Variants in THSD4 observed in about 807,000 individuals in gnomAD.
The protein encoded by THSD4 is thrombospondin type-1 domain-containing protein 4.
A neutral mutation model predicts 119.0 loss-of-function variants in THSD4; 69 were observed. The observed-to-expected ratio is 0.58, with a 90% CI of 0.48 to 0.71. THSD4 has a LOEUF of 0.71. Ranked by LOEUF, THSD4 falls within the 30% of genes least tolerant of loss-of-function variation. The pLI, the probability that THSD4 is intolerant of heterozygous loss-of-function variation, is 0.00. For synonymous variants in THSD4, 524 were observed against 540.4 expected (o/e 0.97, Z 0.42); for missense variants, 1,393 against 1,391.1 (o/e 1.00, Z -0.02).
chr15:71,146,877 C>G (rs1308048622), intron 2 of THSD4, among the ~76,000 whole-genome samples: 1 of 152,202 alleles, frequency 6.6e-6, no homozygotes, highest in Non-Finnish European at 1.5e-5. Flanking sequence ...AGCCCTGTAC[C>G]TGGATCCTGT....
intron 6 of THSD4, among the ~76,000 whole-genome samples, chr15:71,337,387 C>G (rs1054774851): frequency 2.6e-5 from 4 of 152,248 alleles, no homozygotes; most frequent in South Asian, 2.1e-4. Context: ...TGGGAGGAAA[C>G]CTGCCCCTGG....
intron 6 of THSD4, among the ~76,000 whole-genome samples, chr15:71,397,190 C>G (rs1345511704): frequency 6.6e-6 from 1 of 152,162 alleles, no homozygotes; most frequent in African/African-American, 2.4e-5. Context: ...GCTTCGTGGT[C>G]CTGGCCTTTG....
rs150582764 is a variant in THSD4 at position 71,562,576 on chromosome 15, A to G, written c.1153-97954A>G. Among the ~76,000 whole-genome samples the G allele has an allele frequency of 4.5e-3, 670 of 150,536 alleles. 1 individual carries two copies. The highest frequency in any genetic ancestry group is 0.014 in the Middle Eastern group (4 of 288). On this transcript the variant is annotated intron_variant, in intron 7 of 17. Coordinates refer to ENST00000261862, the MANE Select transcript of THSD4 (RefSeq NM_024817.3). ...CTCTTGCTCCTGGAAGTGTAGCAGA[A>G]AAGCAGGAACCTGAGAACTGCCAGG... is the stretch of plus-strand genomic sequence containing the variant.
At chr15:71,641,914 A>G (rs1431585590) in intron 7 of THSD4, among the ~76,000 whole-genome samples, 1 of 152,218 alleles carries the variant, frequency 6.6e-6, no homozygotes. Context: ...TCCTTGCATC[A>G]GGGTGCTCTC....
At chr15:71,278,571 T>C (rs2044617382) in intron 6 of THSD4, among the ~76,000 whole-genome samples, 1 of 152,240 alleles carries the variant, frequency 6.6e-6, no homozygotes, top group African/African-American at 2.4e-5. Context: ...AACAAAGTTC[T>C]ACATTGTGCT....
chr15:71,209,731 C>T (rs974809), intron 3 of THSD4, among the ~76,000 whole-genome samples: 143,689 of 152,260 alleles, frequency 0.94, 68,404 homozygotes, highest in East Asian at 1. Flanking sequence ...CCCACCCAAA[C>T]CTCATCTTGA....
chr15:71,640,997 A>G (rs2050847129), intron 7 of THSD4, among the ~76,000 whole-genome samples: 2 of 151,882 alleles, frequency 1.3e-5, no homozygotes, highest in Admixed American at 6.6e-5. Flanking sequence ...ACACACACAC[A>G]CACACACACA....
At chr15:71,724,146 G>A (rs2052775923) in intron 8 of THSD4, among the ~76,000 whole-genome samples, 1 of 149,982 alleles carries the variant, frequency 6.7e-6, no homozygotes, top group Non-Finnish European at 1.5e-5. Context: ...CAGCACCGTG[G>A]AGGGAAGATG....
At chr15:71,644,892 A>G (rs1049553175) in intron 7 of THSD4, among the ~76,000 whole-genome samples, 1 of 150,260 alleles carries the variant, frequency 6.7e-6, no homozygotes, top group Non-Finnish European at 1.5e-5. Context: ...TGGTTAGTTC[A>G]TGGAATCCTT....
intron 4 of THSD4, among the ~76,000 whole-genome samples, chr15:71,241,869 G>A (rs926376688): frequency 5.9e-4 from 90 of 152,240 alleles, no homozygotes; most frequent in Middle Eastern, 3.4e-3. Context: ...ACACAAATTC[G>A]TAAACTTTCT....
At chr15:71,508,856 T>G (rs551095573) in intron 7 of THSD4, among the ~76,000 whole-genome samples, 13 of 152,128 alleles carry the variant, frequency 8.5e-5, no homozygotes, top group Non-Finnish European at 1.9e-4. Flanking sequence ...ATTTTACAAC[T>G]GCTTGCTTTG....
chr15:71,325,833 T>C lies in THSD4; in HGVS notation c.1015+69118T>C, dbSNP rs557426603. ...AATAACAAAAAAACTCCAAGAACTCTAGATAGTTTGTCCAGGGGACACCTA... is the reference window on the plus strand; with the variant it reads ...AATAACAAAAAAACTCCAAGAACTCCAGATAGTTTGTCCAGGGGACACCTA... On this transcript the variant is annotated intron_variant, in intron 6 of 17. Transcript: ENST00000261862. 5.9e-5 allele frequency among the ~76,000 whole-genome samples: 9 copies of C among 152,334 alleles called. 1 individual carries two copies. The South Asian group carries it at 1.9e-3, about 32-fold the overall frequency.
intron 7 of THSD4, among the ~76,000 whole-genome samples, chr15:71,428,651 G>C (rs1312117843): frequency 1.3e-5 from 2 of 152,054 alleles, no homozygotes; most frequent in African/African-American, 2.4e-5. Flanking sequence ...GGTTAAAATG[G>C]GTTTTTGAGG....
intron 6 of THSD4, among the ~76,000 whole-genome samples, chr15:71,399,696 C>T (rs1410523514): frequency 2.0e-5 from 3 of 152,146 alleles, no homozygotes; most frequent in Non-Finnish European, 2.9e-5. Context: ...GTGTGGCTCC[C>T]GGACCAGCAG....
intron 17 of THSD4, among the ~76,000 whole-genome samples, chr15:71,775,070 C>T (rs1268230693): frequency 8.6e-5 from 13 of 151,864 alleles, no homozygotes; most frequent in East Asian, 3.9e-4. Context: ...CGCTTGAACC[C>T]GGGAGGCGGA....
chr15:71,571,380 C>T (rs1435135852), intron 7 of THSD4, among the ~76,000 whole-genome samples: 2 of 152,044 alleles, frequency 1.3e-5, no homozygotes, highest in Non-Finnish European at 2.9e-5. Flanking sequence ...GCTTTAGGCT[C>T]CAGGTTTGTT....
At chr15:71,633,938 G>A (rs2050686750) in intron 7 of THSD4, among the ~76,000 whole-genome samples, 1 of 152,172 alleles carries the variant, frequency 6.6e-6, no homozygotes, top group African/African-American at 2.4e-5. Flanking sequence ...TGTAATCCCA[G>A]TACTTTGGGA....
chr15:71,466,451 A>G (rs2047501891), intron 7 of THSD4, among the ~76,000 whole-genome samples: 2 of 152,070 alleles, frequency 1.3e-5, no homozygotes, highest in Non-Finnish European at 2.9e-5. Flanking sequence ...AGCATCCCCC[A>G]GCTCCAGGCC....
At position 71,172,688 on chromosome 15, in the gene THSD4, T is replaced by C. The variant is rs1332530821; in HGVS notation, c.99+17756T>C. On this transcript the variant is annotated intron_variant, in intron 3 of 17. Coordinates refer to ENST00000261862, the MANE Select transcript of THSD4 (RefSeq NM_024817.3). ...GCATGAAAATAGACCTATACATATA[T>C]ATATATATATATATATATATATATA... 1.1e-3 allele frequency among the ~76,000 whole-genome samples: 33 copies of C among 29,342 alleles called. No homozygotes were observed. In the East Asian group the frequency reaches 0.011, roughly 10 times the overall value. 19.2% of individuals were successfully genotyped at this position (29,342 alleles called of 152,430 possible).
Sources: gnomAD v4.1 joint callset for allele counts (sites outside exome capture counted in the v4.1 genomes callset) on GRCh38, gnomAD v4.1.1 for gene constraint, MANE v1.5 for transcripts, NCBI Gene and HGNC (gene_info 2026-07-23, HGNC 2026-07-21) for gene names.